Variants in FMN1 observed in about 807,000 individuals in gnomAD.
FMN1 encodes the protein formin 1, also known as formin-1.
Under a neutral mutation model 132.4 loss-of-function variants are expected in FMN1, and 110 were observed. That is an observed-to-expected ratio of 0.83 (90% confidence interval 0.71 to 0.97). The LOEUF (loss-of-function observed/expected upper bound fraction) is 0.97. FMN1 is among the 50% of genes least tolerant of loss of function. FMN1 has a pLI of 0.00. For synonymous variants in FMN1, 722 were observed against 651.7 expected (o/e 1.11, Z -1.64); for missense variants, 1,792 against 1,705.3 (o/e 1.05, Z -0.90).
At chr15:32,905,356 G>A (rs1355785487) in intron 12 of FMN1, among the ~76,000 whole-genome samples, 1 of 152,216 alleles carries the variant, frequency 6.6e-6, no homozygotes, top group Non-Finnish European at 1.5e-5. Flanking sequence ...ATTCTTCGAT[G>A]GAGGATTACA....
chr15:32,862,770 T>G (rs1215702199), intron 16 of FMN1, among the ~76,000 whole-genome samples: 1 of 152,222 alleles, frequency 6.6e-6, no homozygotes, highest in Non-Finnish European at 1.5e-5. Context: ...CTTGTTTCTT[T>G]TTGTATGAGC....
chr15:32,825,162 T>C (rs2058332643), intron 17 of FMN1, among the ~76,000 whole-genome samples: 1 of 152,254 alleles, frequency 6.6e-6, no homozygotes, highest in Admixed American at 6.5e-5. Flanking sequence ...TCACCTGAGC[T>C]ACTTCAGTAA....
At chr15:32,900,658 T>C (rs11630042) in intron 13 of FMN1, among the ~76,000 whole-genome samples, 26,037 of 152,282 alleles carry the variant, frequency 0.17, 2,795 homozygotes, top group East Asian at 0.3. Flanking sequence ...CCATCTTTAA[T>C]AAATTTATTA....
Position 32,900,022 on chromosome 15 carries a change from T to TATCC in FMN1, c.3607_3610dup (p.Tyr1204TrpfsTer3). The TATCC allele has an allele frequency of 6.2e-7, 1 of 1,614,008 alleles. No homozygotes were observed. Among genetic ancestry groups the TATCC allele is most frequent in the South Asian group, 1.1e-5 (1 of 91,082 alleles). ...GAGTTTGGGCAGAATTTCTAAGCTA[T>TATCC]ATCCATCGGCTTGTCCCCGAGTCCT... On this transcript the variant is annotated frameshift_variant, in exon 14 of 21. Transcript: ENST00000616417. LOFTEE classifies it high-confidence loss of function.
chr15:32,970,791 TAAAA>T (rs56248146), intron 7 of FMN1: 4 of 149,092 alleles, frequency 2.7e-5, no homozygotes, highest in Non-Finnish European at 4.5e-5. Context: ...TGTCTGGTGT[TAAAA>T]AAAAAAAAGA....
intron 6 of FMN1, among the ~76,000 whole-genome samples, chr15:33,017,478 ATTT>A: frequency 6.6e-6 from 1 of 150,632 alleles, no homozygotes; most frequent in East Asian, 2.0e-4. Context: ...AAAATAGTTG[ATTT>A]TTTTTTTCAA....
At chr15:33,052,085 T>C (rs1351695814) in intron 6 of FMN1, among the ~76,000 whole-genome samples, 1 of 152,202 alleles carries the variant, frequency 6.6e-6, no homozygotes, top group Non-Finnish European at 1.5e-5. Context: ...TATCACTAAT[T>C]AGCAAATGTG....
At chr15:33,002,004 G>T (rs2034148128) in intron 7 of FMN1, among the ~76,000 whole-genome samples, 1 of 152,114 alleles carries the variant, frequency 6.6e-6, no homozygotes, top group South Asian at 2.1e-4. Context: ...GGGGGAAACT[G>T]AACAATTAAG....
At chr15:33,116,595 T>A (rs552875067) in intron 4 of FMN1, among the ~76,000 whole-genome samples, 1 of 152,306 alleles carries the variant, frequency 6.6e-6, no homozygotes, top group Non-Finnish European at 1.5e-5. Context: ...TTTAATTTTT[T>A]AACACCTCCC....
At chr15:32,965,353 T>C (rs1157860484) in intron 8 of FMN1, among the ~76,000 whole-genome samples, 1 of 152,096 alleles carries the variant, frequency 6.6e-6, no homozygotes, top group Non-Finnish European at 1.5e-5. Context: ...TGAACTGAGA[T>C]TGTGCCACTG....
At chr15:32,886,151 G>A (rs1222032607) in intron 16 of FMN1, among the ~76,000 whole-genome samples, 5 of 152,050 alleles carry the variant, frequency 3.3e-5, no homozygotes, top group African/African-American at 4.8e-5. Flanking sequence ...GAGAACCTAC[G>A]GTGTGTATTT....
At chr15:32,969,904 G>C (rs950075470) in intron 7 of FMN1, among the ~76,000 whole-genome samples, 4 of 152,150 alleles carry the variant, frequency 2.6e-5, no homozygotes, top group African/African-American at 7.2e-5. Context: ...CTCTGGCTTA[G>C]AGCTGTTCTC....
intron 6 of FMN1, among the ~76,000 whole-genome samples, chr15:33,021,248 T>A (rs1566835744): frequency 2.0e-5 from 3 of 152,092 alleles, no homozygotes; most frequent in Non-Finnish European, 4.4e-5. Flanking sequence ...AGTTGACCTT[T>A]ACACCTATGC....
At chr15:32,953,628 G>A (rs1008511127) in intron 9 of FMN1, among the ~76,000 whole-genome samples, 13 of 152,164 alleles carry the variant, frequency 8.5e-5, no homozygotes, top group African/African-American at 3.1e-4. Flanking sequence ...ACTATCCTAG[G>A]AAGTAAGTGG....
In FMN1 at chr15:32,888,181, G is replaced by A. The variant is rs1460570758; in HGVS notation, c.3826C>T (p.Gln1276Ter). 5 of 1,606,602 alleles carry A rather than the reference G, an allele frequency of 3.1e-6. No individual in the cohort carries two copies. The highest frequency in any genetic ancestry group is 4.2e-6 in the Non-Finnish European group (5 of 1,177,396). Reference sequence around the variant, plus strand: ...GAACAGTTCCTATTACCTTCTAGTTGCCTCTTCAGTTTTCTCAAATCTTTT... The same window carrying A: ...GAACAGTTCCTATTACCTTCTAGTTACCTCTTCAGTTTTCTCAAATCTTTT... ...LIKDLRKLKR[Q>*]LEASEKQMVV... Residue 1276 changes from glutamine to a stop codon, truncating the protein, a stop_gained, in exon 16 of 21, where the codon CAA becomes TAA. Coordinates refer to ENST00000616417, the MANE Select transcript of FMN1 (RefSeq NM_001277313.2). LOFTEE classifies it high-confidence loss of function.
intron 18 of FMN1, among the ~76,000 whole-genome samples, chr15:32,803,823 T>C (rs1406088158): frequency 6.6e-6 from 1 of 152,228 alleles, no homozygotes; most frequent in Non-Finnish European, 1.5e-5. Context: ...AATAGTGTCA[T>C]GACACGCATG....
chr15:33,079,787 T>A (rs1441684298), intron 5 of FMN1, among the ~76,000 whole-genome samples: 1 of 152,250 alleles, frequency 6.6e-6, no homozygotes, highest in African/African-American at 2.4e-5. Flanking sequence ...ATTTGAGAGA[T>A]AACTGGTTAA....
At chr15:33,149,628 C>T (rs185471650) in intron 4 of FMN1, among the ~76,000 whole-genome samples, 2 of 152,238 alleles carry the variant, frequency 1.3e-5, no homozygotes, top group African/African-American at 2.4e-5. Context: ...TACTTTATGT[C>T]AACTTAATTC....
chr15:33,009,280 G>A (rs1238629506), intron 6 of FMN1, among the ~76,000 whole-genome samples: 1 of 152,082 alleles, frequency 6.6e-6, no homozygotes, highest in African/African-American at 2.4e-5. Context: ...CTTCTGGTAG[G>A]GTGCCTGCTT....
Sources: allele counts gnomAD v4.1 joint callset (sites outside exome capture counted in the v4.1 genomes callset), GRCh38; gene constraint gnomAD v4.1.1; transcripts MANE v1.5; gene names NCBI Gene and HGNC (gene_info 2026-07-23, HGNC 2026-07-21).